The following PHTF1 variants were observed in gnomAD, a reference collection of about 807,000 sequenced individuals.
PHTF1 encodes putative homeodomain transcription factor 1.
A neutral mutation model predicts 102.4 loss-of-function variants in PHTF1; 88 were observed. That is an observed-to-expected ratio of 0.86 (90% CI 0.72 to 1.03). The LOEUF is 1.03. Ranked by LOEUF, PHTF1 falls within the 50% of genes least tolerant of loss-of-function variation. The pLI is 0.00. For missense variants in PHTF1, 814 were observed against 909.5 expected (o/e 0.89, Z 1.35); for synonymous variants, 289 against 305.2 (o/e 0.95, Z 0.55).
rs540002549 is a variant in PHTF1 at position 113,753,823 on chromosome 1, T to C, written c.102+3876A>G. On this transcript the variant is annotated intron_variant, in intron 3 of 18. Transcript: ENST00000369604. ...CTGAGTAGCTGGGACCACAGGCAGA[T>C]GCCATCATGGCCAGCTAACTTATTT... Among the ~76,000 whole-genome samples, 30 of 152,074 alleles carry C rather than the reference T, an allele frequency of 2.0e-4. 1 individual carries two copies. In the South Asian group the frequency reaches 6.0e-3, roughly 31 times the overall value.
chr1:113,740,049 G>A (rs1656119401), intron 3 of PHTF1, among the ~76,000 whole-genome samples: 1 of 152,200 alleles, frequency 6.6e-6, no homozygotes, highest in African/African-American at 2.4e-5. Context: ...ACATAGGAAT[G>A]CAGATATCCC....
intron 5 of PHTF1, among the ~76,000 whole-genome samples, chr1:113,736,621 C>T (rs1463605083): frequency 1.3e-5 from 2 of 151,534 alleles, no homozygotes; most frequent in Non-Finnish European, 2.9e-5. Context: ...TGGCGCACAC[C>T]TGTATCCCAG....
intron 5 of PHTF1, among the ~76,000 whole-genome samples, chr1:113,736,633 T>C (rs893466235): frequency 1.3e-5 from 2 of 151,972 alleles, no homozygotes; most frequent in Non-Finnish European, 2.9e-5. Context: ...GTATCCCAGC[T>C]ACTCGGGAGG....
intron 15 of PHTF1, among the ~76,000 whole-genome samples, chr1:113,701,534 A>C (rs1649438540): frequency 1.3e-5 from 2 of 152,144 alleles, no homozygotes; most frequent in Non-Finnish European, 1.5e-5. Flanking sequence ...AAAAACATAC[A>C]GATAATGCTC....
At chr1:113,704,281 A>C (rs1649795847) in intron 14 of PHTF1, 114 bp from the exon 15 acceptor site, 5 of 571,126 alleles carry the variant, frequency 8.8e-6, no homozygotes, top group Non-Finnish European at 1.5e-5. Context: ...GTTTATAAGA[A>C]GTTTCTGAGA....
At chr1:113,710,695 A>C (rs917074555) in intron 10 of PHTF1, among the ~76,000 whole-genome samples, 1 of 151,088 alleles carries the variant, frequency 6.6e-6, no homozygotes, top group African/African-American at 2.4e-5. Context: ...CAGTGGCATG[A>C]TCATAGCCCA....
In PHTF1 at chr1:113,738,234, T is replaced by C. The variant is rs138071804; in HGVS notation, c.207A>G (p.Pro69=). The C allele has an allele frequency of 0.032, 51,158 of 1,613,652 alleles. 1,020 individuals are homozygous for C. The highest frequency in any genetic ancestry group is 0.037 in the Non-Finnish European group (44,087 of 1,179,652). The change falls in exon 5 of 19, where the codon CCA becomes CCG. Residue 69 remains proline (P), a synonymous_variant. Transcript: ENST00000369604. ...STFAKAKPEI[P]WTSLTRKGLV... is the part of the protein sequence containing the mutation. ...GCCCCTTCCGAGTCAGAGATGTCCA[T>C]GGAATTTCAGGTTTTGCTTTGGCAA...
chr1:113,725,974 G>GAA, intron 6 of PHTF1: 2 of 144,978 alleles, frequency 1.4e-5, no homozygotes, highest in Non-Finnish European at 3.0e-5. Context: ...GTCTCAAAAA[G>GAA]AAAAAAAAAA....
chr1:113,758,856 C>A, intron 1 of PHTF1, 123 bp from the exon 2 acceptor site: 1 of 1,335,462 alleles, frequency 7.5e-7, no homozygotes. Context: ...CAGCTGTTTG[C>A]CAGGGAAAAC....
intron 11 of PHTF1, among the ~76,000 whole-genome samples, chr1:113,709,226 C>T (rs1650684809): frequency 1.3e-5 from 2 of 152,090 alleles, no homozygotes; most frequent in Admixed American, 6.6e-5. Context: ...ACAGAGTGAG[C>T]TCTGTCCCAA....
At chr1:113,726,054 A>C (rs1365176627) in intron 6 of PHTF1, 1 of 161,330 alleles carries the variant, frequency 6.2e-6, no homozygotes, top group Admixed American at 6.5e-5. Flanking sequence ...GGTAGCGCTA[A>C]CCAAATGTAC....
intron 3 of PHTF1, among the ~76,000 whole-genome samples, chr1:113,755,966 C>T (rs1485017701): frequency 1.0e-4 from 15 of 150,678 alleles, no homozygotes; most frequent in Admixed American, 4.7e-4. Flanking sequence ...ACTCGGGAGG[C>T]TGAGGCAGGA....
intron 15 of PHTF1, among the ~76,000 whole-genome samples, chr1:113,703,397 C>T (rs989911765): frequency 2.0e-5 from 3 of 152,160 alleles, no homozygotes; most frequent in African/African-American, 4.8e-5. Context: ...GCAGAAAGCA[C>T]GGAAGTGCTT....
intron 3 of PHTF1, among the ~76,000 whole-genome samples, chr1:113,747,184 A>T (rs934789988): frequency 6.6e-6 from 1 of 152,204 alleles, no homozygotes; most frequent in Non-Finnish European, 1.5e-5. Flanking sequence ...GTTTTATCAC[A>T]AATTTTTGTT....
At chr1:113,745,488 A>T (rs1327022870) in intron 3 of PHTF1, among the ~76,000 whole-genome samples, 1 of 152,182 alleles carries the variant, frequency 6.6e-6, no homozygotes, top group Admixed American at 6.5e-5. Context: ...TATGGACTAT[A>T]TCAGGGGTCT....
intron 11 of PHTF1, among the ~76,000 whole-genome samples, chr1:113,707,379 A>C (rs562494147): frequency 1.3e-5 from 2 of 152,186 alleles, no homozygotes; most frequent in South Asian, 4.2e-4. Flanking sequence ...TATTCTTTAA[A>C]TACTAGCTCA....
chr1:113,698,488 G>C, intron 17 of PHTF1, 101 bp from the exon 18 acceptor site: 1 of 1,002,584 alleles, frequency 1.0e-6, no homozygotes, highest in Non-Finnish European at 1.5e-6. Context: ...GAATGCTTAA[G>C]GCTGTCTTTC....
At chr1:113,752,502 G>A (rs557396623) in intron 3 of PHTF1, among the ~76,000 whole-genome samples, 1 of 127,836 alleles carries the variant, frequency 7.8e-6, no homozygotes, top group African/African-American at 3.0e-5. Flanking sequence ...CCGGGTTCAC[G>A]CCATTCTCCT....
Position 113,712,071 on chromosome 1 carries a change from A to T in PHTF1, c.826T>A (p.Ser276Thr). 2 of 1,614,082 alleles carry T rather than the reference A, an allele frequency of 1.2e-6. No homozygotes were observed. The highest frequency in any genetic ancestry group is 1.7e-6 in the Non-Finnish European group (2 of 1,179,972). Residue 276 changes from serine (S) to threonine (T), a missense_variant, in exon 9 of 19, where the codon TCA becomes ACA. Transcript: ENST00000369604. ...RLGNGVSDDL[S>T]SEEDGEARTQ... Reference sequence around the variant, plus strand: ...CGTGCTTCACCATCTTCTTCACTTGACAGGTCATCAGACACCCCATTACCC... The same window carrying T: ...CGTGCTTCACCATCTTCTTCACTTGTCAGGTCATCAGACACCCCATTACCC...
Sources: allele counts gnomAD v4.1 joint callset (sites outside exome capture counted in the v4.1 genomes callset), GRCh38; gene constraint gnomAD v4.1.1; transcripts MANE v1.5; gene names NCBI Gene and HGNC (gene_info 2026-07-23, HGNC 2026-07-21).